WDR35: variants seen among roughly 807,000 people sequenced by gnomAD.
WDR35 encodes the protein WD repeat domain 35.
A neutral mutation model predicts 158.3 loss-of-function variants in WDR35; 118 were observed. The ratio of observed to expected loss-of-function variants is 0.75; its 90% CI spans 0.64 to 0.87. The LOEUF (loss-of-function observed/expected upper bound fraction) is 0.87, where lower values mean the gene tolerates loss of function less well. Ranked by LOEUF, WDR35 falls within the 40% of genes least tolerant of loss-of-function variation. The probability of loss-of-function intolerance (pLI) is 0.00; values close to 1 mark genes in which losing one functional copy is unlikely to be tolerated. For missense variants in WDR35, 1,263 were observed against 1,405.8 expected (o/e 0.90, Z 1.62); for synonymous variants, 448 against 476.1 (o/e 0.94, Z 0.77).
chr2:19,916,401 C>G (rs1669992270), intron 25 of WDR35, among the ~76,000 whole-genome samples: 1 of 152,176 alleles, frequency 6.6e-6, no homozygotes, highest in Non-Finnish European at 1.5e-5. Context: ...CATTCACTCC[C>G]CTGGAAAGGG....
At chr2:19,935,740 T>G (rs967110683) in intron 20 of WDR35, 137 bp from the exon 21 acceptor site, 131 of 1,041,432 alleles carry the variant, frequency 1.3e-4, no homozygotes, top group Non-Finnish European at 1.7e-4. Context: ...TCAGAATAAC[T>G]TTCAAACATA....
intron 2 of WDR35, among the ~76,000 whole-genome samples, chr2:19,988,051 C>T (rs1672627912): frequency 2.6e-5 from 4 of 152,098 alleles, no homozygotes; most frequent in Admixed American, 2.6e-4. Context: ...CTTAGGCTGT[C>T]CACTAGCCCT....
At chr2:19,938,464 TTATA>T in intron 17 of WDR35, 63 bp from the exon 18 acceptor site, 1 of 1,574,370 alleles carries the variant, frequency 6.4e-7, no homozygotes, top group Non-Finnish European at 8.6e-7. Flanking sequence ...TGTTTCTTTT[TTATA>T]TTAAAAACCA....
intron 4 of WDR35, among the ~76,000 whole-genome samples, chr2:19,980,363 T>C (rs896050122): frequency 6.6e-6 from 1 of 151,980 alleles, no homozygotes; most frequent in African/African-American, 2.4e-5. Context: ...AATTATAAAC[T>C]GGAACTACCT....
At chr2:19,926,080 A>G (rs1670346670) in intron 25 of WDR35, among the ~76,000 whole-genome samples, 2 of 152,246 alleles carry the variant, frequency 1.3e-5, no homozygotes, top group Admixed American at 1.3e-4. Flanking sequence ...CAGTTTGCGT[A>G]ATTAAGAAAA....
chr2:19,924,875 A>T (rs1315064477), intron 25 of WDR35, among the ~76,000 whole-genome samples: 4 of 152,238 alleles, frequency 2.6e-5, no homozygotes, highest in African/African-American at 9.6e-5. Context: ...GCCACCAGAT[A>T]GCTGAAAAAA....
At position 19,953,963 on chromosome 2, in the gene WDR35, G is replaced by A; in HGVS notation, c.1271C>T (p.Ala424Val). 6.2e-7 allele frequency: 1 copy of A among 1,614,066 alleles called. No homozygotes were observed. The highest frequency in any genetic ancestry group is 8.5e-7 in the Non-Finnish European group (1 of 1,179,986). Residue 424 changes from alanine (A) to valine (V), a missense_variant, in exon 12 of 27, where the codon GCA becomes GTA. By Grantham distance (64) the Ala-to-Val change is moderately conservative. Coordinates refer to ENST00000281405, the MANE Select transcript of WDR35 (RefSeq NM_020779.4). ...TGCTATCACATGGGTTTTGGTCATT[G>A]CAACAAACAATGGTACTGTTAAAAA... is the stretch of plus-strand genomic sequence containing the variant. ...KYIDIVPLFVAMTKTHVIAAS... is the reference protein window; with the variant it reads ...KYIDIVPLFVVMTKTHVIAAS...
chr2:19,975,711 C>A, intron 5 of WDR35, 48 bp from the exon 6 acceptor site: 4 of 1,612,660 alleles, frequency 2.5e-6, no homozygotes, highest in Non-Finnish European at 3.4e-6. Context: ...GATCCTCCAA[C>A]AACGGCTTTC....
At chr2:19,968,202 A>G (rs564907246) in intron 9 of WDR35, among the ~76,000 whole-genome samples, 95 of 152,326 alleles carry the variant, frequency 6.2e-4, no homozygotes, top group Non-Finnish European at 1.0e-3. Flanking sequence ...GGGGCATGTG[A>G]TAGCCACATG....
chr2:19,930,516 C>T lies in WDR35; in HGVS notation c.3001G>A (p.Val1001Ile). ...GTGAAACGATCTGTTGTAGACAGAA[C>T]TTCTTCTTCCAGCAAACCAGCCAAG... ...SALAGLLEEE[V>I]LSTTDRFTDN... Residue 1001 changes from valine to isoleucine, a missense_variant, in exon 25 of 27, where the codon GTT (valine) becomes ATT (isoleucine). Transcript: ENST00000281405. 6.2e-7 allele frequency: 1 copy of T among 1,614,092 alleles called. No individual in the cohort carries two copies. Among genetic ancestry groups the T allele is most frequent in the South Asian group, 1.1e-5 (1 of 91,078 alleles).
intron 11 of WDR35, among the ~76,000 whole-genome samples, chr2:19,959,721 C>T (rs901952445): frequency 1.3e-5 from 2 of 151,896 alleles, no homozygotes; most frequent in African/African-American, 4.8e-5. Flanking sequence ...GGCATTAATA[C>T]TTAATTGCTT....
At chr2:19,930,348 C>A in intron 25 of WDR35, 48 bp downstream of exon 25, 1 of 1,613,324 alleles carries the variant, frequency 6.2e-7, no homozygotes, top group South Asian at 1.1e-5. Context: ...CCTTCATACT[C>A]AATTTATAAT....
intron 9 of WDR35, among the ~76,000 whole-genome samples, chr2:19,967,361 T>C (rs1051205839): frequency 1.3e-5 from 2 of 152,160 alleles, no homozygotes; most frequent in African/African-American, 4.8e-5. Context: ...TAATATATGG[T>C]CAAATAATCC....
intron 25 of WDR35, among the ~76,000 whole-genome samples, chr2:19,926,911 C>CCA (rs1670373065): frequency 1.3e-5 from 2 of 150,564 alleles, no homozygotes. Context: ...GGACCCCCCC[C>CCA]ACCCTGTTGC....
intron 13 of WDR35, among the ~76,000 whole-genome samples, chr2:19,948,535 C>T (rs1671131451): frequency 6.6e-6 from 1 of 152,088 alleles, no homozygotes; most frequent in South Asian, 2.1e-4. Context: ...CTAACTTACA[C>T]CAAGACAGGC....
chr2:19,949,651 C>G (rs893070486), intron 13 of WDR35, among the ~76,000 whole-genome samples: 1 of 152,186 alleles, frequency 6.6e-6, no homozygotes, highest in African/African-American at 2.4e-5. Flanking sequence ...CAAAGACACA[C>G]AGTATTTCCA....
chr2:19,960,449 T>A lies in WDR35; in HGVS notation c.1255+105A>T, dbSNP rs1179797462. ...AAAGTAGGAAGTATGGTCATCCTCGTTTTAGAAAACACCATTCTAATTAAT... is the reference window on the plus strand; with the variant it reads ...AAAGTAGGAAGTATGGTCATCCTCGATTTAGAAAACACCATTCTAATTAAT... On this transcript the variant is annotated intron_variant, in intron 11 of 26. Transcript: ENST00000281405. 9 of 936,266 alleles carry A rather than the reference T, an allele frequency of 9.6e-6. No individual in the cohort carries two copies. The East Asian group carries it at 2.4e-4, about 25-fold the overall frequency. 58.0% of individuals were successfully genotyped at this position (936,266 alleles called of 1,614,324 possible). A position where few individuals can be genotyped will look rare whatever the true frequency, so the allele number is the denominator to read the frequency against.
Position 19,913,506 on chromosome 2 carries a change from C to T in WDR35, c.*52G>A. The T allele has an allele frequency of 2.6e-6, 4 of 1,562,102 alleles. No homozygotes were observed. The highest frequency in any genetic ancestry group is 3.5e-6 in the Non-Finnish European group (4 of 1,132,714). ...ACCTTATTACATATACAGCATATAG[C>T]CATGTATATATGCTACATATATTTT... On this transcript the variant is annotated 3_prime_UTR_variant, in exon 27 of 27. Transcript: ENST00000281405.
chr2:19,936,467 C>T, intron 19 of WDR35, 102 bp from the exon 20 acceptor site: 1 of 1,540,888 alleles, frequency 6.5e-7, no homozygotes, highest in South Asian at 1.1e-5. Context: ...GGCTACACAG[C>T]AGTGGACAAT....
Sources: gnomAD v4.1 joint callset for allele counts (sites outside exome capture counted in the v4.1 genomes callset) on GRCh38, gnomAD v4.1.1 for gene constraint, MANE v1.5 for transcripts, NCBI Gene and HGNC (gene_info 2026-07-23, HGNC 2026-07-21) for gene names.